Variants in PARD6G observed in about 807,000 individuals in gnomAD.
The protein encoded by PARD6G is partitioning defective 6 homolog gamma.
Under a neutral mutation model 10.7 loss-of-function variants are expected in PARD6G, and 7 were observed. That is an observed-to-expected ratio of 0.66 (90% CI 0.37 to 1.23). The LOEUF (loss-of-function observed/expected upper bound fraction) is 1.23, where lower values mean the gene tolerates loss of function less well. PARD6G is among the 50% of genes most tolerant of loss of function. The pLI is 0.02. For missense variants in PARD6G, 548 were observed against 571.8 expected, an observed-to-expected ratio of 0.96 and a Z score of 0.42; for synonymous variants, 287 against 269.4, an observed-to-expected ratio of 1.07 and a Z score of -0.64.
chr18:80,202,829 T>C lies in PARD6G; in HGVS notation c.176A>G (p.Asp59Gly). Residue 59 changes from aspartate (D) to glycine (G), a missense_variant, in exon 2 of 3, where the codon GAT (aspartate) becomes GGT (glycine). Coordinates refer to ENST00000353265, the MANE Select transcript of PARD6G (RefSeq NM_032510.4). The part of the protein sequence containing the change: ...VVHTHHISNS[D>G]VTIGYADVHG... ...CACATCTGCATAGCCAATAGTTACATCACTGTTGGAGATATGGTGGGTGTG... is the reference window on the plus strand; with the variant it reads ...CACATCTGCATAGCCAATAGTTACACCACTGTTGGAGATATGGTGGGTGTG... The C allele has an allele frequency of 6.2e-7, 1 of 1,613,670 alleles. No homozygotes were observed. Among genetic ancestry groups the C allele is most frequent in the Non-Finnish European group, 8.5e-7 (1 of 1,179,942 alleles).
chr18:80,210,075 C>T (rs777915490), intron 1 of PARD6G, among the ~76,000 whole-genome samples: 17 of 151,916 alleles, frequency 1.1e-4, no homozygotes, highest in Non-Finnish European at 2.2e-4. Flanking sequence ...GAGCCAGTTG[C>T]GATAAAAGTA....
At chr18:80,199,745 C>T (rs1966992141) in intron 2 of PARD6G, among the ~76,000 whole-genome samples, 1 of 152,106 alleles carries the variant, frequency 6.6e-6, no homozygotes, top group African/African-American at 2.4e-5. Flanking sequence ...TGGGTTCAAG[C>T]GATTTCTCCT....
At chr18:80,232,142 T>C (rs1482484420) in intron 1 of PARD6G, among the ~76,000 whole-genome samples, 1 of 149,766 alleles carries the variant, frequency 6.7e-6, no homozygotes, top group Non-Finnish European at 1.5e-5. Context: ...CCAGCAGCTC[T>C]GGGTGGAGAT....
At chr18:80,199,943 C>T (rs996850786) in intron 2 of PARD6G, among the ~76,000 whole-genome samples, 1 of 152,190 alleles carries the variant, frequency 6.6e-6, no homozygotes, top group East Asian at 1.9e-4. Context: ...CCATGCCTGG[C>T]TGAGCAACAG....
intron 2 of PARD6G, chr18:80,197,453 C>T (rs1966968236): frequency 1.3e-5 from 2 of 152,096 alleles, no homozygotes; most frequent in African/African-American, 2.4e-5. Context: ...TTCTAGGAAC[C>T]CAAAAGAATG....
chr18:80,224,629 C>T (rs1599872622), intron 1 of PARD6G, among the ~76,000 whole-genome samples: 2 of 152,142 alleles, frequency 1.3e-5, no homozygotes, highest in South Asian at 2.1e-4. Flanking sequence ...GGGCGGATCA[C>T]GAGGTCAGCA....
In PARD6G at chr18:80,157,255, A is replaced by G. The variant is rs2052661994; in HGVS notation, c.*2516T>C. ...CATTTTGTTTACTCAAAAGTCAAAAAAGTTTTTATTCTCTGATATATAAAA... is the reference window on the plus strand; with the variant it reads ...CATTTTGTTTACTCAAAAGTCAAAAGAGTTTTTATTCTCTGATATATAAAA... On this transcript the variant is annotated 3_prime_UTR_variant, in exon 3 of 3. Transcript: ENST00000353265. 1 of 152,232 alleles carries G rather than the reference A, an allele frequency of 6.6e-6. No individual in the cohort carries two copies. The highest frequency in any genetic ancestry group is 2.1e-4 in the South Asian group (1 of 4,838). 9.4% of individuals were successfully genotyped at this position (152,232 alleles called of 1,614,324 possible).
intron 2 of PARD6G, among the ~76,000 whole-genome samples, chr18:80,185,868 A>C: frequency 6.9e-6 from 1 of 144,170 alleles, no homozygotes; most frequent in Admixed American, 7.0e-5. Flanking sequence ...CCTCTCGCAT[A>C]TACTGTCACA....
At chr18:80,177,857 A>G (rs1269885322) in intron 2 of PARD6G, among the ~76,000 whole-genome samples, 2 of 151,764 alleles carry the variant, frequency 1.3e-5, no homozygotes, top group African/African-American at 4.8e-5. Flanking sequence ...AACGGGAAGC[A>G]CACACATGTG....
chr18:80,170,147 C>G (rs1356133750), intron 2 of PARD6G: 1 of 152,276 alleles, frequency 6.6e-6, no homozygotes, highest in Non-Finnish European at 1.5e-5. Context: ...TGGGTCAAAA[C>G]ACATGCCAGA....
chr18:80,197,581 C>T (rs1966969717), intron 2 of PARD6G: 1 of 152,226 alleles, frequency 6.6e-6, no homozygotes, highest in African/African-American at 2.4e-5. Flanking sequence ...ATTAAGCCTT[C>T]ATATTCCTGA....
At chr18:80,238,342 G>C (rs927212696) in intron 1 of PARD6G, among the ~76,000 whole-genome samples, 2 of 152,082 alleles carry the variant, frequency 1.3e-5, no homozygotes, top group Admixed American at 6.6e-5. Context: ...GGCCTGTTGT[G>C]GGGTGTGGGG....
intron 1 of PARD6G, among the ~76,000 whole-genome samples, chr18:80,209,830 C>G (rs1399472049): frequency 6.6e-6 from 1 of 152,148 alleles, no homozygotes; most frequent in Non-Finnish European, 1.5e-5. Context: ...CAAAGTGTAT[C>G]AAAAGCTTCT....
chr18:80,215,872 T>A (rs1967159931), intron 1 of PARD6G, among the ~76,000 whole-genome samples: 1 of 152,058 alleles, frequency 6.6e-6, no homozygotes, highest in African/African-American at 2.4e-5. Context: ...CATTCTCCAG[T>A]TATATGAGGA....
At chr18:80,237,752 A>G (rs1361561060) in intron 1 of PARD6G, among the ~76,000 whole-genome samples, 5 of 152,258 alleles carry the variant, frequency 3.3e-5, no homozygotes, top group Non-Finnish European at 5.9e-5. Context: ...AAAAATGTTC[A>G]TCATCACTGG....
rs932817968 is a variant in PARD6G, at chr18:80,229,326, G to A, written c.72+17951C>T. On this transcript the variant is annotated intron_variant, in intron 1 of 2. Coordinates refer to ENST00000353265, the MANE Select transcript of PARD6G (RefSeq NM_032510.4). The stretch of plus-strand genomic sequence containing the variant: ...AACACACACACAAAAACACAACACC[G>A]AATCTGCAGCGAGGTCCCAGTTAGG... Among the ~76,000 whole-genome samples, 3 of 152,200 alleles carry A rather than the reference G, an allele frequency of 2.0e-5. No individual in the cohort carries two copies. In the East Asian group the frequency reaches 5.8e-4, roughly 29 times the overall value.
rs1437994192 is a variant in PARD6G at position 80,246,265 on chromosome 18, C to T, written c.72+1012G>A. ...AGTAGCCAGCGAAAGACTCGAGGGG[C>T]CCCCTCCCGCAGGACCCCGAACAAC... On this transcript the variant is annotated intron_variant, in intron 1 of 2. Transcript: ENST00000353265. This position sits in a 1 kb window ranked among gnomAD's most constrained non-coding sequence, Gnocchi z 6.7. 6.6e-6 allele frequency among the ~76,000 whole-genome samples: 1 copy of T among 152,204 alleles called. No homozygotes were observed. Among genetic ancestry groups the T allele is most frequent in the African/African-American group, 2.4e-5 (1 of 41,458 alleles).
intron 1 of PARD6G, among the ~76,000 whole-genome samples, chr18:80,234,536 C>G (rs1004180334): frequency 6.6e-6 from 1 of 152,106 alleles, no homozygotes; most frequent in Non-Finnish European, 1.5e-5. Context: ...TACACCAGAG[C>G]CAGGAACAAT....
At chr18:80,168,605 G>A (rs889568317) in intron 2 of PARD6G, among the ~76,000 whole-genome samples, 1 of 149,736 alleles carries the variant, frequency 6.7e-6, no homozygotes, top group East Asian at 2.0e-4. Context: ...GTGTGTGTGT[G>A]TGTATGTATA....
Sources: allele counts gnomAD v4.1 joint callset (sites outside exome capture counted in the v4.1 genomes callset), GRCh38; gene constraint gnomAD v4.1.1; non-coding constraint Gnocchi (gnomAD v3.1); transcripts MANE v1.5; gene names NCBI Gene and HGNC (gene_info 2026-07-23, HGNC 2026-07-21).